Variants in GSDME observed in about 807,000 individuals in gnomAD.
GSDME encodes the protein gasdermin E.
In GSDME, 44 loss-of-function variants were observed where a neutral mutation model predicts 47.5. The observed-to-expected ratio is 0.93, with a 90% CI of 0.73 to 1.19. The LOEUF is 1.19. Ranked by LOEUF, GSDME falls within the 50% of genes most tolerant of loss-of-function variation. The probability of loss-of-function intolerance (pLI) is 0.00; values close to 1 mark genes in which losing one functional copy is unlikely to be tolerated. For missense variants in GSDME, 663 were observed against 604.2 expected, an observed-to-expected ratio of 1.10 and a Z score of -1.02; for synonymous variants, 258 against 252.8, an observed-to-expected ratio of 1.02 and a Z score of -0.20.
chr7:24,702,628 A>G (rs1456214966), intron 9 of GSDME, 132 bp downstream of exon 9: 1 of 757,024 alleles, frequency 1.3e-6, no homozygotes, highest in East Asian at 2.8e-5. Flanking sequence ...GTTAATAACA[A>G]TACTTACTTA....
upstream of GSDME, among the ~76,000 whole-genome samples, chr7:24,762,517 A>G (rs1791182596): frequency 6.6e-6 from 1 of 152,138 alleles, no homozygotes; most frequent in African/African-American, 2.4e-5. Flanking sequence ...TACCCAGCAT[A>G]GAGAAGTAAA....
At chr7:24,779,567 A>G in the GSDME span, among the ~76,000 whole-genome samples, 2 of 148,726 alleles carry the variant, frequency 1.3e-5, no homozygotes, top group African/African-American at 5.0e-5. This position sits in a 1 kb window ranked among gnomAD's most constrained non-coding sequence, Gnocchi z 6.0. Context: ...TCATCAGGGG[A>G]AAAAAAAAGA....
Position 24,744,800 on chromosome 7 carries a change from A to C in GSDME, c.212-46T>G. On this transcript the variant is annotated intron_variant, in intron 2 of 9. Coordinates refer to ENST00000645220, the MANE Select transcript of GSDME (RefSeq NM_001127453.2). The surrounding 1 kb of genome is among the most constrained non-coding windows in gnomAD (Gnocchi z 4.5). ...AGAGGAAGCCGATGATGATAAGGCC[A>C]CCAAGATGTCTTGGGTCATTTAGCT... 6.2e-7 allele frequency: 1 copy of C among 1,602,294 alleles called. No homozygotes were observed. Among genetic ancestry groups the C allele is most frequent in the Non-Finnish European group, 8.5e-7 (1 of 1,171,168 alleles).
chr7:24,745,888 G>A lies in GSDME; in HGVS notation c.212-1134C>T, dbSNP rs923232601. Among the ~76,000 whole-genome samples, 1 of 152,202 alleles carries A rather than the reference G, an allele frequency of 6.6e-6. No individual in the cohort carries two copies. Among genetic ancestry groups the A allele is most frequent in the South Asian group, 2.1e-4 (1 of 4,812 alleles). On this transcript the variant is annotated intron_variant, in intron 2 of 9. Transcript: ENST00000645220. This position sits in a 1 kb window ranked among gnomAD's most constrained non-coding sequence, Gnocchi z 4.4. ...AATAAAAATAATGATTTTAAAAATA[G>A]TCTCTATCATCACCATTTGGTAAGG...
intron 1 of GSDME, among the ~76,000 whole-genome samples, chr7:24,752,160 A>G (rs924352690): frequency 7.2e-5 from 11 of 152,202 alleles, no homozygotes; most frequent in African/African-American, 2.2e-4. Context: ...GTGCCAAGCA[A>G]ATGGGTTACC....
chr7:24,723,757 A>G (rs1789874723), intron 3 of GSDME, among the ~76,000 whole-genome samples: 1 of 152,224 alleles, frequency 6.6e-6, no homozygotes, highest in Admixed American at 6.5e-5. Context: ...GGGCTGTACT[A>G]GGAATTGAAT....
chr7:24,701,649 C>T (rs2128045588), intron 9 of GSDME, among the ~76,000 whole-genome samples: 1 of 152,324 alleles, frequency 6.6e-6, no homozygotes, highest in Non-Finnish European at 1.5e-5. Flanking sequence ...TCATTGCATA[C>T]AATTAGAATA....
intron 1 of GSDME, among the ~76,000 whole-genome samples, chr7:24,751,247 A>G (rs748078869): frequency 2.6e-5 from 4 of 152,206 alleles, no homozygotes; most frequent in Non-Finnish European, 4.4e-5. Context: ...ATAGCCCAAT[A>G]TATATATACA....
upstream of GSDME, among the ~76,000 whole-genome samples, chr7:24,759,877 A>T (rs2521772): frequency 0.61 from 91,994 of 151,956 alleles, 30,132 homozygotes; most frequent in African/African-American, 0.85. Flanking sequence ...TAACTTTTTT[A>T]AAAAAATAAT....
At chr7:24,755,055 G>A (rs912694355) in intron 1 of GSDME, among the ~76,000 whole-genome samples, 1 of 152,202 alleles carries the variant, frequency 6.6e-6, no homozygotes, top group Non-Finnish European at 1.5e-5. Flanking sequence ...GTGTGAGGAA[G>A]CTGAGGTTCA....
chr7:24,741,150 G>A (rs940146172), intron 3 of GSDME, among the ~76,000 whole-genome samples: 1 of 152,146 alleles, frequency 6.6e-6, no homozygotes, highest in Non-Finnish European at 1.5e-5. Flanking sequence ...TTATTGACCA[G>A]GAATAAACTT....
the GSDME span, among the ~76,000 whole-genome samples, chr7:24,784,020 T>C: frequency 6.6e-6 from 1 of 152,166 alleles, no homozygotes; most frequent in Non-Finnish European, 1.5e-5. Flanking sequence ...AGGCGTTCTC[T>C]GTGGAGGAGA....
chr7:24,721,897 G>A lies in GSDME; in HGVS notation c.405-2679C>T, dbSNP rs1004882760. 2.6e-5 allele frequency among the ~76,000 whole-genome samples: 4 copies of A among 152,108 alleles called. No individual in the cohort carries two copies. The highest frequency in any genetic ancestry group is 1.3e-4 in the Admixed American group (2 of 15,276). On this transcript the variant is annotated intron_variant, in intron 3 of 9. Transcript: ENST00000645220. The surrounding 1 kb of genome is among the most constrained non-coding windows in gnomAD (Gnocchi z 4.1). The stretch of plus-strand genomic sequence containing the variant: ...AAAATGCCAGGTGTGTGCCTACCCC[G>A]AGGCGTTGGCACACATTCCCTGATG...
the GSDME span, among the ~76,000 whole-genome samples, chr7:24,764,907 T>A: frequency 6.6e-6 from 1 of 152,260 alleles, no homozygotes; most frequent in African/African-American, 2.4e-5. The surrounding 1 kb of genome is among the most constrained non-coding windows in gnomAD (Gnocchi z 4.4). Context: ...TGTACCTGAA[T>A]AAATCTGGAT....
chr7:24,707,522 T>C (rs1584051647), intron 7 of GSDME: 2 of 439,362 alleles, frequency 4.6e-6, no homozygotes, highest in East Asian at 7.2e-5. Context: ...CTTGCAGTAG[T>C]CTGAGTAGTG....
chr7:24,717,680 A>C (rs1789622155), intron 4 of GSDME, among the ~76,000 whole-genome samples: 2 of 152,158 alleles, frequency 1.3e-5, no homozygotes, highest in African/African-American at 4.8e-5. Flanking sequence ...ATCACCTCCC[A>C]ATTCCCTCCA....
At position 24,725,253 on chromosome 7, in the gene GSDME, G is replaced by C. The variant is rs1789927201; in HGVS notation, c.405-6035C>G. Among the ~76,000 whole-genome samples the C allele has an allele frequency of 6.6e-6, 1 of 152,192 alleles. No individual in the cohort carries two copies. Among genetic ancestry groups the C allele is most frequent in the Non-Finnish European group, 1.5e-5 (1 of 68,046 alleles). On this transcript the variant is annotated intron_variant, in intron 3 of 9. Transcript: ENST00000645220. This position sits in a 1 kb window ranked among gnomAD's most constrained non-coding sequence, Gnocchi z 5.1. Reference sequence around the variant, plus strand: ...TTGCTATGAGGGTTACGTTCAGTGAGATCTTGCATTAAATGACCCACACTC... The same window carrying C: ...TTGCTATGAGGGTTACGTTCAGTGACATCTTGCATTAAATGACCCACACTC...
chr7:24,795,040 G>A, the GSDME span, among the ~76,000 whole-genome samples: 8 of 152,180 alleles, frequency 5.3e-5, no homozygotes, highest in Non-Finnish European at 1.2e-4. Flanking sequence ...TGGGTGATCA[G>A]GCCACGCTTC....
intron 9 of GSDME, among the ~76,000 whole-genome samples, chr7:24,700,787 C>T (rs1035758488): frequency 1.3e-5 from 2 of 152,218 alleles, no homozygotes; most frequent in African/African-American, 4.8e-5. Context: ...GCATCACACC[C>T]CAGTGAATTA....
Sources: gnomAD v4.1 joint callset for allele counts (sites outside exome capture counted in the v4.1 genomes callset) on GRCh38, gnomAD v4.1.1 for gene constraint, Gnocchi (gnomAD v3.1) non-coding constraint, MANE v1.5 for transcripts, NCBI Gene and HGNC (gene_info 2026-07-23, HGNC 2026-07-21) for gene names.